MPDZ: variants seen among roughly 807,000 people sequenced by gnomAD.
The protein encoded by MPDZ is multiple PDZ domain protein.
MPDZ carries 234 observed loss-of-function variants against 239.1 expected under a neutral mutation model. The observed-to-expected ratio is 0.98, with a 90% CI of 0.88 to 1.09. The LOEUF (loss-of-function observed/expected upper bound fraction) is 1.09, where lower values mean the gene tolerates loss of function less well. Ranked by LOEUF, MPDZ falls within the 50% of genes least tolerant of loss-of-function variation. MPDZ has a pLI of 0.00. For synonymous variants in MPDZ, 1,048 were observed against 881.3 expected, an observed-to-expected ratio of 1.19 and a Z score of -3.35; for missense variants, 3,175 against 2,510.0, an observed-to-expected ratio of 1.26 and a Z score of -5.66.
chr9:13,229,913 G>T (rs1188968972), intron 3 of MPDZ, among the ~76,000 whole-genome samples: 2 of 151,994 alleles, frequency 1.3e-5, no homozygotes, highest in African/African-American at 4.8e-5. Flanking sequence ...ACTAATTAAA[G>T]TAGAATCAAA....
chr9:13,118,037 T>A (rs987944552), intron 39 of MPDZ, among the ~76,000 whole-genome samples: 1 of 151,898 alleles, frequency 6.6e-6, no homozygotes, highest in African/African-American at 2.4e-5. Context: ...AGAGACGGGG[T>A]TTCTCCAGGT....
intron 1 of MPDZ, among the ~76,000 whole-genome samples, chr9:13,278,404 G>A (rs556994786): frequency 1.2e-4 from 19 of 152,116 alleles, no homozygotes; most frequent in African/African-American, 4.6e-4. Context: ...CTACGGAGCG[G>A]CCTCTACCTC....
intron 1 of MPDZ, among the ~76,000 whole-genome samples, chr9:13,266,791 A>T (rs1971882551): frequency 6.6e-6 from 1 of 152,228 alleles, no homozygotes; most frequent in Non-Finnish European, 1.5e-5. Flanking sequence ...GAATAGTTTC[A>T]TGCAAAAGTA....
chr9:13,164,541 A>G (rs1393070320), intron 22 of MPDZ, among the ~76,000 whole-genome samples: 1 of 151,954 alleles, frequency 6.6e-6, no homozygotes, highest in Non-Finnish European at 1.5e-5. Flanking sequence ...GCAGGATAGA[A>G]TAGCAAAAAT....
At chr9:13,165,772 T>C (rs1455564045) in intron 22 of MPDZ, among the ~76,000 whole-genome samples, 2 of 152,100 alleles carry the variant, frequency 1.3e-5, no homozygotes, top group Non-Finnish European at 2.9e-5. Flanking sequence ...TGGCTATTAT[T>C]ACAGAAATAT....
Position 13,112,141 on chromosome 9 carries a change from A to T in MPDZ, c.5607T>A (p.Pro1869=), listed in dbSNP as rs778020903. Reference sequence around the variant, plus strand: ...CGATGCTGATTCCCAGTGAGTCAGTAGGGCCCTGCCATGGAACAGATATAA... The same window carrying T: ...CGATGCTGATTCCCAGTGAGTCAGTTGGGCCCTGCCATGGAACAGATATAA... The part of the protein sequence containing the change: ...GLRTVEMKKG[P]TDSLGISIAG... The change falls in exon 43 of 47, where the codon CCT becomes CCA. Residue 1869 remains proline, a synonymous_variant. Coordinates refer to ENST00000319217, the MANE Select transcript of MPDZ (RefSeq NM_001378778.1). The T allele has an allele frequency of 1.2e-5, 20 of 1,611,484 alleles. No homozygotes were observed. The South Asian group carries it at 2.1e-4, about 17-fold the overall frequency.
chr9:13,192,328 C>A, intron 14 of MPDZ, 33 bp from the exon 15 acceptor site: 6 of 1,539,202 alleles, frequency 3.9e-6, no homozygotes, highest in Non-Finnish European at 5.3e-6. Context: ...CAACAAACAA[C>A]ACTTCATAAT....
intron 3 of MPDZ, among the ~76,000 whole-genome samples, chr9:13,238,147 A>G (rs931089741): frequency 1.3e-5 from 2 of 152,208 alleles, no homozygotes; most frequent in Non-Finnish European, 2.9e-5. Context: ...TGAGCTGCAG[A>G]CATAAACAAC....
intron 22 of MPDZ, among the ~76,000 whole-genome samples, chr9:13,163,761 A>G (rs1464788788): frequency 2.0e-5 from 3 of 152,226 alleles, no homozygotes; most frequent in African/African-American, 7.2e-5. Flanking sequence ...ATAAGTATAC[A>G]AAACCTCAGC....
intron 32 of MPDZ, among the ~76,000 whole-genome samples, chr9:13,131,717 G>C (rs1175026108): frequency 1.3e-5 from 2 of 152,122 alleles, no homozygotes; most frequent in Non-Finnish European, 2.9e-5. Context: ...GTGGATGCTG[G>C]GATCCACTGT....
intron 3 of MPDZ, among the ~76,000 whole-genome samples, chr9:13,235,810 G>A (rs964714861): frequency 2.6e-5 from 4 of 151,934 alleles, no homozygotes; most frequent in Admixed American, 2.0e-4. Context: ...GTTAAACTGT[G>A]AACTATAAAA....
chr9:13,158,679 T>A (rs1950115645), intron 23 of MPDZ, among the ~76,000 whole-genome samples: 2 of 152,174 alleles, frequency 1.3e-5, no homozygotes, highest in South Asian at 4.1e-4. Flanking sequence ...AGAATACTTC[T>A]TAATGGAAGA....
intron 3 of MPDZ, among the ~76,000 whole-genome samples, chr9:13,241,996 T>A (rs1348721271): frequency 7.2e-5 from 11 of 152,244 alleles, no homozygotes; most frequent in African/African-American, 2.6e-4. Flanking sequence ...GCTCCTGTTT[T>A]GAGCATCAGA....
At chr9:13,191,588 T>C (rs1249746292) in intron 15 of MPDZ, among the ~76,000 whole-genome samples, 2 of 152,166 alleles carry the variant, frequency 1.3e-5, no homozygotes, top group African/African-American at 4.8e-5. Context: ...AAGGATAGTA[T>C]GTAAACAAGT....
At chr9:13,194,617 A>T (rs999553392) in intron 13 of MPDZ, among the ~76,000 whole-genome samples, 3 of 152,058 alleles carry the variant, frequency 2.0e-5, no homozygotes, top group African/African-American at 7.2e-5. Context: ...AACCTAGATG[A>T]TGGGTTGACA....
At chr9:13,215,761 T>TTG (rs1554703458) in intron 10 of MPDZ, among the ~76,000 whole-genome samples, 4 of 136,362 alleles carry the variant, frequency 2.9e-5, no homozygotes, top group South Asian at 2.5e-4. Flanking sequence ...AGGTTTTTTT[T>TTG]TTTTTTTTTT....
intron 7 of MPDZ, among the ~76,000 whole-genome samples, chr9:13,220,564 T>A (rs185372779): frequency 6.6e-6 from 1 of 151,986 alleles, no homozygotes; most frequent in East Asian, 1.9e-4. Context: ...GACATTTCAT[T>A]TGATGCTGCT....
chr9:13,199,442 C>T (rs1055767087), intron 12 of MPDZ, among the ~76,000 whole-genome samples: 4 of 151,942 alleles, frequency 2.6e-5, no homozygotes, highest in African/African-American at 9.7e-5. Flanking sequence ...ATTTTATCTG[C>T]AAATAAGGAC....
At chr9:13,264,027 T>C (rs1018947518) in intron 1 of MPDZ, among the ~76,000 whole-genome samples, 2 of 152,126 alleles carry the variant, frequency 1.3e-5, no homozygotes, top group Non-Finnish European at 2.9e-5. Flanking sequence ...TTGGTGAAAA[T>C]AGTATAGTAT....
Sources: allele counts gnomAD v4.1 joint callset (sites outside exome capture counted in the v4.1 genomes callset), GRCh38; gene constraint gnomAD v4.1.1; transcripts MANE v1.5; gene names NCBI Gene and HGNC (gene_info 2026-07-23, HGNC 2026-07-21).